CFAP210: variants seen among roughly 807,000 people sequenced by gnomAD.
The protein encoded by CFAP210 is cilia and flagella associated protein 210, also known as cilia- and flagella- associated protein 210.
the CFAP210 span, among the ~76,000 whole-genome samples, chr2:169,654,807 T>C: frequency 6.6e-6 from 1 of 152,084 alleles, no homozygotes; most frequent in Non-Finnish European, 1.5e-5. Context: ...ATAAAGTTCA[T>C]TTAATGTTTG....
the CFAP210 span, among the ~76,000 whole-genome samples, chr2:169,646,733 A>G: frequency 6.6e-6 from 1 of 152,240 alleles, no homozygotes; most frequent in Non-Finnish European, 1.5e-5. Flanking sequence ...ACTGAGTGGA[A>G]TAAGTAGGCA....
At chr2:169,661,182 C>T in the CFAP210 span, 1 of 577,358 alleles carries the variant, frequency 1.7e-6, no homozygotes, top group Non-Finnish European at 3.4e-6. Flanking sequence ...CAAATGCACC[C>T]CATGCCTTCT....
chr2:169,645,940 C>T, the CFAP210 span: 3 of 1,613,914 alleles, frequency 1.9e-6, no homozygotes, highest in South Asian at 2.2e-5. Context: ...CATCATTTGC[C>T]TGATAGCTGG....
At chr2:169,645,537 T>G in the CFAP210 span, 1 of 250,644 alleles carries the variant, frequency 4.0e-6, no homozygotes, top group Non-Finnish European at 7.7e-6. Context: ...GGGTATGGGG[T>G]TTCTAGTAAG....
the CFAP210 span, among the ~76,000 whole-genome samples, chr2:169,664,693 C>T: frequency 6.6e-6 from 1 of 152,176 alleles, no homozygotes; most frequent in Non-Finnish European, 1.5e-5. Context: ...GCAGAGTCAG[C>T]AACCAGCACA....
At chr2:169,648,206 A>C in the CFAP210 span, 26 of 245,638 alleles carry the variant, frequency 1.1e-4, no homozygotes, top group Non-Finnish European at 1.8e-4. Context: ...AACCAAACAG[A>C]AAAGGACAAA....
At chr2:169,691,107 T>C in the CFAP210 span, among the ~76,000 whole-genome samples, 1 of 152,216 alleles carries the variant, frequency 6.6e-6, no homozygotes, top group African/African-American at 2.4e-5. Flanking sequence ...TCTTTTTTTC[T>C]TTCTCATTAT....
the CFAP210 span, among the ~76,000 whole-genome samples, chr2:169,652,528 T>G: frequency 6.6e-6 from 1 of 152,018 alleles, no homozygotes; most frequent in South Asian, 2.1e-4. Context: ...CTTGAGGCTA[T>G]GAGGTTGAGG....
the CFAP210 span, among the ~76,000 whole-genome samples, chr2:169,688,003 C>A: frequency 6.6e-6 from 1 of 152,220 alleles, no homozygotes; most frequent in Non-Finnish European, 1.5e-5. Context: ...AGGCTTGGGG[C>A]TTCCACCCTC....
At chr2:169,654,217 T>C in the CFAP210 span, 1 of 1,565,500 alleles carries the variant, frequency 6.4e-7, no homozygotes, top group Non-Finnish European at 8.6e-7. Context: ...ATATGTTCCT[T>C]GGGGGAAAAA....
chr2:169,681,201 A>G, the CFAP210 span: 1 of 1,613,478 alleles, frequency 6.2e-7, no homozygotes, highest in Non-Finnish European at 8.5e-7. Flanking sequence ...AGAGGCAGAT[A>G]GAGAACTTGA....
At chr2:169,674,758 A>T in the CFAP210 span, 1 of 1,571,672 alleles carries the variant, frequency 6.4e-7, no homozygotes, top group African/African-American at 1.4e-5. Flanking sequence ...CTCTACTAAG[A>T]AGAAGTCCCG....
At chr2:169,654,076 T>G in the CFAP210 span, 38 of 1,608,534 alleles carry the variant, frequency 2.4e-5, no homozygotes, top group Non-Finnish European at 3.0e-5. Context: ...AAAGCCTACC[T>G]GTGTGTTTCA....
At chr2:169,678,153 C>A in the CFAP210 span, among the ~76,000 whole-genome samples, 2 of 151,392 alleles carry the variant, frequency 1.3e-5, no homozygotes, top group Non-Finnish European at 2.9e-5. Flanking sequence ...CCAGCCTGAC[C>A]AACATAAAGA....
At chr2:169,669,726 G>GTGGTGC in the CFAP210 span, among the ~76,000 whole-genome samples, 3 of 147,376 alleles carry the variant, frequency 2.0e-5, no homozygotes, top group Non-Finnish European at 4.4e-5. Flanking sequence ...AGTGAGACAA[G>GTGGTGC]ATCGCACCAC....
the CFAP210 span, among the ~76,000 whole-genome samples, chr2:169,670,985 A>G: frequency 1.3e-5 from 2 of 152,226 alleles, no homozygotes; most frequent in Admixed American, 1.3e-4. Context: ...AGGGCATGCA[A>G]AAAGAGACTT....
the CFAP210 span, among the ~76,000 whole-genome samples, chr2:169,691,357 C>A: frequency 6.6e-6 from 1 of 151,922 alleles, no homozygotes; most frequent in African/African-American, 2.4e-5. Flanking sequence ...TGTTTTAGTT[C>A]TTTAAATATA....
At chr2:169,653,052 A>ATG in the CFAP210 span, among the ~76,000 whole-genome samples, 21 of 107,174 alleles carry the variant, frequency 2.0e-4, no homozygotes, top group African/African-American at 7.5e-4. Context: ...ATATATATAT[A>ATG]TATATATATA....
At chr2:169,687,919 C>T in the CFAP210 span, among the ~76,000 whole-genome samples, 6 of 152,244 alleles carry the variant, frequency 3.9e-5, no homozygotes, top group Non-Finnish European at 5.9e-5. Flanking sequence ...CTTCTGAAAT[C>T]TAGGTGGAGG....
Sources: allele counts gnomAD v4.1 joint callset (sites outside exome capture counted in the v4.1 genomes callset), GRCh38; gene constraint gnomAD v4.1.1; transcripts MANE v1.5; gene names NCBI Gene and HGNC (gene_info 2026-07-23, HGNC 2026-07-21).